SH3PXD2A: variants seen among roughly 807,000 people sequenced by gnomAD.
SH3PXD2A encodes the protein SH3 and PX domain-containing protein 2A.
In SH3PXD2A, 32 loss-of-function variants were observed where a neutral mutation model predicts 115.2. The ratio of observed to expected loss-of-function variants is 0.28; its 90% CI spans 0.21 to 0.37. The LOEUF (loss-of-function observed/expected upper bound fraction) is 0.37, where lower values mean the gene tolerates loss of function less well. Among genes scored for constraint, SH3PXD2A ranks in the 10% least tolerant of loss-of-function variants. The probability of loss-of-function intolerance (pLI) is 1.00; values close to 1 mark genes in which losing one functional copy is unlikely to be tolerated. For synonymous variants in SH3PXD2A, 610 were observed against 629.1 expected (o/e 0.97, Z 0.45); for missense variants, 1,328 against 1,498.7 (o/e 0.89, Z 1.88).
At chr10:103,765,231 A>C (rs958444053) in intron 3 of SH3PXD2A, among the ~76,000 whole-genome samples, 11 of 152,142 alleles carry the variant, frequency 7.2e-5, no homozygotes, top group Admixed American at 1.3e-4. Flanking sequence ...GCGGCAGTAC[A>C]CAAGCCTTTG....
rs117995248 is a variant in SH3PXD2A, at chr10:103,780,529, G to A, written c.154-13360C>T. On this transcript the variant is annotated intron_variant, in intron 2 of 14. Transcript: ENST00000369774. Reference sequence around the variant, plus strand: ...GCACCAGCCTCTTTGGCCTTCCCAGGAAATAAGAGTGGCTGGGCCATCCTA... The same window carrying A: ...GCACCAGCCTCTTTGGCCTTCCCAGAAAATAAGAGTGGCTGGGCCATCCTA... Among the ~76,000 whole-genome samples, 128 of 152,316 alleles carry A rather than the reference G, an allele frequency of 8.4e-4. No individual in the cohort carries two copies. The East Asian group carries it at 0.01, about 12-fold the overall frequency.
rs1302796422 is a variant in SH3PXD2A at position 103,601,210 on chromosome 10, T to C, written c.*606A>G. The C allele has an allele frequency of 6.6e-6, 1 of 152,254 alleles. No individual in the cohort carries two copies. The highest frequency in any genetic ancestry group is 1.5e-5 in the Non-Finnish European group (1 of 68,088). The allele number at this position is 152,254 out of a possible 1,614,324, so 9.4% of individuals were successfully genotyped here. The stretch of plus-strand genomic sequence containing the variant: ...ACCTGGGAACTGCTTTTTCTTCAAC[T>C]AACAGTGACAATGGCCTGGCCCAGA... On this transcript the variant is annotated 3_prime_UTR_variant, in exon 15 of 15. Coordinates refer to ENST00000369774, the MANE Select transcript of SH3PXD2A (RefSeq NM_001394015.1).
At chr10:103,662,086 G>A in intron 7 of SH3PXD2A, 5 of 492,060 alleles carry the variant, frequency 1.0e-5, no homozygotes, top group Non-Finnish European at 1.3e-5. Flanking sequence ...TTTCAGTGCC[G>A]GGGCTTGTGG....
rs199626166 is a variant in SH3PXD2A, at chr10:103,617,214, T to C, written c.903A>G (p.Glu301=). Residue 301 remains glutamate, a synonymous_variant, in exon 11 of 15, where the codon GAA becomes GAG. Transcript: ENST00000369774. ...TTCCCTACCTGATATACCACCAGCCTTCCAGATTCTTCCGGATCACCTCCA... is the reference window on the plus strand; with the variant it reads ...TTCCCTACCTGATATACCACCAGCCCTCCAGATTCTTCCGGATCACCTCCA... ...VTVEVIRKNL[E]GWWYIRYLGK... 1.5e-5 allele frequency: 25 copies of C among 1,613,218 alleles called. No individual in the cohort carries two copies. The East Asian group carries it at 5.6e-4, about 36-fold the overall frequency.
In SH3PXD2A at chr10:103,597,383, A is replaced by T. The variant is rs1257446930; in HGVS notation, c.*4433T>A. The T allele has an allele frequency of 1.3e-5, 2 of 152,274 alleles. No homozygotes were observed. Among genetic ancestry groups the T allele is most frequent in the Admixed American group, 6.5e-5 (1 of 15,288 alleles). The allele number at this position is 152,274 out of a possible 1,614,324, so 9.4% of individuals were successfully genotyped here. ...AGGATCACAGCCCAAATATCAGGAC[A>T]CTGGGGTGAGAGAGGGCTGCTGGGA... On this transcript the variant is annotated 3_prime_UTR_variant, in exon 15 of 15. Coordinates refer to ENST00000369774, the MANE Select transcript of SH3PXD2A (RefSeq NM_001394015.1).
intron 7 of SH3PXD2A, among the ~76,000 whole-genome samples, chr10:103,662,844 G>A (rs770826804): frequency 1.5e-3 from 232 of 152,152 alleles, no homozygotes; most frequent in Admixed American, 2.4e-3. Context: ...GGTCTTTGTT[G>A]CCCAGGCTGG....
intron 13 of SH3PXD2A, among the ~76,000 whole-genome samples, chr10:103,608,447 A>AAAAAG (rs2036371100): frequency 1.3e-5 from 2 of 150,112 alleles, no homozygotes; most frequent in African/African-American, 4.9e-5. Context: ...AAAAAAAAAA[A>AAAAAG]AAAGAAAAAT....
chr10:103,618,008 A>G (rs1218950109), intron 10 of SH3PXD2A, among the ~76,000 whole-genome samples: 2 of 152,252 alleles, frequency 1.3e-5, no homozygotes, highest in Non-Finnish European at 2.9e-5. Context: ...AACACCAAGC[A>G]CAGCACAATC....
chr10:103,778,194 A>T (rs1589451114), intron 2 of SH3PXD2A, among the ~76,000 whole-genome samples: 1 of 152,114 alleles, frequency 6.6e-6, no homozygotes, highest in Non-Finnish European at 1.5e-5. Flanking sequence ...TTAGCTGGGC[A>T]CGGTGGCGGA....
intron 8 of SH3PXD2A, among the ~76,000 whole-genome samples, chr10:103,659,241 C>G (rs2037255964): frequency 6.6e-6 from 1 of 152,212 alleles, no homozygotes; most frequent in South Asian, 2.1e-4. Flanking sequence ...TTCAGCCATC[C>G]TGGCCAGTGG....
rs57711259 is a variant in SH3PXD2A at position 103,615,483 on chromosome 10, GGTGTGTGTGTGTGTGTGT to G, written c.920+1696_920+1713del. ...GAAAGGGCGCGATGGAGAGTGCGAG[GGTGTGTGTGTGTGTGTGT>G]GTGTGTGTGTGTGTGTGTGTGTGTG... is the stretch of plus-strand genomic sequence containing the variant. On this transcript the variant is annotated intron_variant, in intron 11 of 14. Transcript: ENST00000369774. Among the ~76,000 whole-genome samples, 25 of 128,598 alleles carry G rather than the reference GGTGTGTGTGTGTGTGTGT, an allele frequency of 1.9e-4. 1 individual carries two copies. Among genetic ancestry groups the G allele is most frequent in the South Asian group, 3.0e-4 (1 of 3,284 alleles). The allele number at this position is 128,598 out of a possible 152,430, so 84.4% of individuals were successfully genotyped here.
intron 3 of SH3PXD2A, among the ~76,000 whole-genome samples, chr10:103,753,218 G>A (rs2038599244): frequency 6.8e-6 from 1 of 147,884 alleles, no homozygotes; most frequent in Non-Finnish European, 1.5e-5. Context: ...AGTGACTCAC[G>A]CCTGTAATCC....
chr10:103,771,088 A>C (rs1208067326), intron 2 of SH3PXD2A, among the ~76,000 whole-genome samples: 1 of 152,222 alleles, frequency 6.6e-6, no homozygotes, highest in African/African-American at 2.4e-5. Flanking sequence ...AGGTGGGCCC[A>C]GCAACACGCG....
chr10:103,603,738 CCTT>C lies in SH3PXD2A; in HGVS notation c.1477_1479del (p.Lys493del). ...ATGTATGATGCGGGGGCCCAGCCCT[CCTT>C]CTCACCGATCTGCACGTACCACCAG... On this transcript the variant is annotated inframe_deletion, in exon 15 of 15. Coordinates refer to ENST00000369774, the MANE Select transcript of SH3PXD2A (RefSeq NM_001394015.1). The C allele has an allele frequency of 6.2e-7, 1 of 1,611,188 alleles. No homozygotes were observed. The highest frequency in any genetic ancestry group is 1.1e-5 in the South Asian group (1 of 91,070).
At chr10:103,611,693 G>T in intron 12 of SH3PXD2A, 63 bp from the exon 13 acceptor site, 2 of 1,302,552 alleles carry the variant, frequency 1.5e-6, no homozygotes, top group Non-Finnish European at 2.2e-6. Flanking sequence ...ACCCATACCT[G>T]CCTTCCCTAG....
intron 4 of SH3PXD2A, among the ~76,000 whole-genome samples, chr10:103,734,289 G>C (rs1195971555): frequency 6.6e-6 from 1 of 152,160 alleles, no homozygotes; most frequent in African/African-American, 2.4e-5. Context: ...ACCACAGTGG[G>C]TTTCATTTAA....
Position 103,855,395 on chromosome 10 carries a change from C to G in SH3PXD2A, c.-129G>C. 1 of 595,668 alleles carries G rather than the reference C, an allele frequency of 1.7e-6. No homozygotes were observed. The highest frequency in any genetic ancestry group is 2.9e-5 in the South Asian group (1 of 34,806). The allele number at this position is 595,668 out of a possible 1,614,324, so 36.9% of individuals were successfully genotyped here. On this transcript the variant is annotated 5_prime_UTR_variant, in exon 1 of 15. Transcript: ENST00000369774. ...CCCGGCCCGGCGCGCCGAACGCTGC[C>G]CGGACTCCCGGCGCCCACAGGTCCG...
intron 5 of SH3PXD2A, among the ~76,000 whole-genome samples, chr10:103,711,884 G>A (rs912310845): frequency 8.6e-5 from 13 of 152,016 alleles, no homozygotes; most frequent in Non-Finnish European, 1.3e-4. Flanking sequence ...GCCAGACCCC[G>A]TCTCTACAAA....
chr10:103,844,570 G>A (rs925472833), intron 1 of SH3PXD2A, among the ~76,000 whole-genome samples: 17 of 152,178 alleles, frequency 1.1e-4, no homozygotes, highest in Admixed American at 7.8e-4. Context: ...AGTTCCCCAT[G>A]AGGAGCACCT....
Sources: allele counts gnomAD v4.1 joint callset (sites outside exome capture counted in the v4.1 genomes callset), GRCh38; gene constraint gnomAD v4.1.1; transcripts MANE v1.5; gene names NCBI Gene and HGNC (gene_info 2026-07-23, HGNC 2026-07-21).